The following FOXP1 variants were observed in gnomAD, a reference collection of about 807,000 sequenced individuals.
FOXP1 encodes forkhead box protein P1.
FOXP1 carries 15 observed loss-of-function variants against 98.2 expected under a neutral mutation model. The ratio of observed to expected loss-of-function variants is 0.15; its 90% CI spans 0.10 to 0.24. FOXP1 has a LOEUF of 0.24. Among genes scored for constraint, FOXP1 ranks in the 10% least tolerant of loss-of-function variants. The pLI is 1.00. For synonymous variants in FOXP1, 371 were observed against 314.5 expected, an observed-to-expected ratio of 1.18 and a Z score of -1.90; for missense variants, 633 against 848.5, an observed-to-expected ratio of 0.75 and a Z score of 3.15.
intron 2 of FOXP1, among the ~76,000 whole-genome samples, chr3:71,543,991 ATATACACACATGTATGTGTG>A (rs911108264): frequency 3.8e-5 from 3 of 79,718 alleles, no homozygotes; most frequent in Non-Finnish European, 4.1e-5. Flanking sequence ...ATATATACAC[ATATACACACATGTATGTGTG>A]TATACACACA....
intron 2 of FOXP1, chr3:71,571,915 G>A (rs1029153628): frequency 1.3e-5 from 2 of 152,176 alleles, no homozygotes; most frequent in Non-Finnish European, 2.9e-5. Context: ...GATGAAAGTA[G>A]ACACACACTA....
intron 6 of FOXP1, among the ~76,000 whole-genome samples, chr3:71,188,946 G>A (rs758398614): frequency 6.6e-6 from 1 of 152,184 alleles, no homozygotes; most frequent in Non-Finnish European, 1.5e-5. Flanking sequence ...ATCCTCCACA[G>A]TTGGTATCTG....
intron 2 of FOXP1, among the ~76,000 whole-genome samples, chr3:71,507,708 G>C (rs2041925882): frequency 6.6e-6 from 1 of 152,034 alleles, no homozygotes; most frequent in Admixed American, 6.6e-5. Flanking sequence ...CTCCAGAGTA[G>C]CTGGGACTAC....
At chr3:71,092,349 C>T (rs1189889666) in intron 7 of FOXP1, among the ~76,000 whole-genome samples, 1 of 152,024 alleles carries the variant, frequency 6.6e-6, no homozygotes, top group Non-Finnish European at 1.5e-5. Context: ...GCACTCCAGC[C>T]TGGGTGACAG....
chr3:70,970,470 G>A (rs1353347287), intron 19 of FOXP1: 3 of 471,636 alleles, frequency 6.4e-6, no homozygotes. Context: ...TCTGAAATAA[G>A]AGGATGGAAA....
chr3:71,186,508 C>G (rs956817491), intron 6 of FOXP1, among the ~76,000 whole-genome samples: 1 of 152,134 alleles, frequency 6.6e-6, no homozygotes, highest in East Asian at 1.9e-4. Context: ...GTCAAGAGAT[C>G]GAGACCATCC....
At chr3:71,323,159 T>G (rs929206289) in intron 4 of FOXP1, among the ~76,000 whole-genome samples, 1 of 152,016 alleles carries the variant, frequency 6.6e-6, no homozygotes, top group African/African-American at 2.4e-5. Context: ...TTAGTAGAGA[T>G]GGGGTTTCAT....
At chr3:70,959,434 C>G (rs1159057546) in intron 20 of FOXP1, 43 bp from the exon 21 acceptor site, 43 of 1,612,672 alleles carry the variant, frequency 2.7e-5, no homozygotes, top group Non-Finnish European at 3.6e-5. Flanking sequence ...ACTTCCCAGC[C>G]CATTGCAGCT....
intron 5 of FOXP1, among the ~76,000 whole-genome samples, chr3:71,242,628 T>TTTC (rs1221732980): frequency 6.6e-6 from 1 of 152,154 alleles, no homozygotes; most frequent in Non-Finnish European, 1.5e-5. Context: ...ATCTGGAGGC[T>TTTC]CACATGTGAA....
chr3:71,451,693 T>C (rs1031156780), intron 3 of FOXP1, among the ~76,000 whole-genome samples: 2 of 152,176 alleles, frequency 1.3e-5, no homozygotes, highest in South Asian at 2.1e-4. Context: ...ACAGTGAAAA[T>C]AGCTTTAGGG....
At chr3:71,414,624 A>C (rs960616444) in intron 3 of FOXP1, among the ~76,000 whole-genome samples, 5 of 152,236 alleles carry the variant, frequency 3.3e-5, no homozygotes, top group Admixed American at 3.3e-4. Flanking sequence ...TGGCTCTTGG[A>C]GTCTTCTAGA....
intron 3 of FOXP1, among the ~76,000 whole-genome samples, chr3:71,411,283 G>A (rs1376565371): frequency 2.2e-5 from 1 of 44,690 alleles, no homozygotes; most frequent in Non-Finnish European, 6.3e-5. Context: ...ATGGGCGTGT[G>A]TGTGTGTGTG....
At chr3:71,071,676 C>T (rs965839440) in intron 7 of FOXP1, among the ~76,000 whole-genome samples, 1 of 152,096 alleles carries the variant, frequency 6.6e-6, no homozygotes, top group African/African-American at 2.4e-5. Context: ...TGTGTTCAAG[C>T]GATTATCCTG....
At chr3:71,506,497 C>A (rs1020899929) in intron 2 of FOXP1, among the ~76,000 whole-genome samples, 1 of 152,196 alleles carries the variant, frequency 6.6e-6, no homozygotes, top group Non-Finnish European at 1.5e-5. Flanking sequence ...GTTTTCTTTT[C>A]CAACTAGCTG....
At chr3:71,503,473 C>T (rs1300079277) in intron 2 of FOXP1, among the ~76,000 whole-genome samples, 2 of 152,024 alleles carry the variant, frequency 1.3e-5, no homozygotes, top group Non-Finnish European at 2.9e-5. Context: ...TGGTGGCACA[C>T]ACCTGTAATC....
chr3:70,968,217 G>GA (rs3215315), intron 19 of FOXP1, among the ~76,000 whole-genome samples: 17,908 of 152,020 alleles, frequency 0.12, 2,723 homozygotes, highest in African/African-American at 0.35. Flanking sequence ...CTTGTCCCTT[G>GA]AAAAAATGAT....
chr3:71,257,304 T>C (rs564868301), intron 5 of FOXP1, among the ~76,000 whole-genome samples: 1 of 152,102 alleles, frequency 6.6e-6, no homozygotes, highest in East Asian at 1.9e-4. Context: ...GGACCAGGCA[T>C]GGTGGCTCAC....
chr3:71,234,584 G>A (rs980522663), intron 5 of FOXP1, among the ~76,000 whole-genome samples: 3 of 152,214 alleles, frequency 2.0e-5, no homozygotes, highest in Non-Finnish European at 2.9e-5. Flanking sequence ...TGGGTGTGCT[G>A]TGGGCAGAGA....
chr3:71,481,273 TA>T lies in FOXP1; in HGVS notation c.-168+12152del, dbSNP rs562477916. 2.8e-4 allele frequency among the ~76,000 whole-genome samples: 43 copies of T among 152,342 alleles called. No individual in the cohort carries two copies. The South Asian group carries it at 8.7e-3, about 31-fold the overall frequency. ...CGATCACCTATGAGTTAGGTACTAT[TA>T]TTTTAAAGGTGAGGAAACTGAGGCA... On this transcript the variant is annotated intron_variant, in intron 3 of 20. Coordinates refer to ENST00000649528, the MANE Select transcript of FOXP1 (RefSeq NM_001349338.3).
Sources: allele counts gnomAD v4.1 joint callset (sites outside exome capture counted in the v4.1 genomes callset), GRCh38; gene constraint gnomAD v4.1.1; transcripts MANE v1.5; gene names NCBI Gene and HGNC (gene_info 2026-07-23, HGNC 2026-07-21).